COPG2: variants seen among roughly 807,000 people sequenced by gnomAD.
COPG2 encodes coat protein complex I subunit gamma 2.
COPG2 carries 37 observed loss-of-function variants against 46.3 expected under a neutral mutation model. The observed-to-expected ratio is 0.80, with a 90% CI of 0.61 to 1.05. COPG2 has a LOEUF of 1.05. COPG2 is among the 50% of genes least tolerant of loss of function. The pLI, the probability that COPG2 is intolerant of heterozygous loss-of-function variation, is 0.00. For missense variants in COPG2, 427 were observed against 387.8 expected, an observed-to-expected ratio of 1.10 and a Z score of -0.85; for synonymous variants, 159 against 129.7, an observed-to-expected ratio of 1.23 and a Z score of -1.53.
At chr7:130,618,983 A>AT (rs1267746438) in intron 5 of COPG2, among the ~76,000 whole-genome samples, 2 of 152,104 alleles carry the variant, frequency 1.3e-5, no homozygotes, top group African/African-American at 4.8e-5. Flanking sequence ...GCCTTGTTTT[A>AT]TATACATCAC....
Position 130,507,319 on chromosome 7 carries a change from C to T in COPG2, c.2440G>A (p.Asp814Asn), listed in dbSNP as rs1190845362. Reference protein sequence around the residue: ...FLGMQPCERSDKVPENKNSHS... With the variant: ...FLGMQPCERSNKVPENKNSHS... ...GAATTCTTGTTCTCAGGTACTTTATCGGACCTCTCACATGGCTGCATGCCC... is the reference window on the plus strand; with the variant it reads ...GAATTCTTGTTCTCAGGTACTTTATTGGACCTCTCACATGGCTGCATGCCC... Residue 814 changes from aspartate (D) to asparagine (N), a missense_variant, in exon 23 of 24, where the codon GAT becomes AAT. By Grantham distance (23) the Asp-to-Asn change is conservative. Transcript: ENST00000425248. 5 of 780,608 alleles carry T rather than the reference C, an allele frequency of 6.4e-6. No individual in the cohort carries two copies. Among genetic ancestry groups the T allele is most frequent in the East Asian group, 2.4e-5 (1 of 41,266 alleles). 48.4% of individuals were successfully genotyped at this position (780,608 alleles called of 1,614,324 possible). A position where few individuals can be genotyped will look rare whatever the true frequency, so the allele number is the denominator to read the frequency against.
chr7:130,530,992 G>A (rs1161444646), intron 20 of COPG2, among the ~76,000 whole-genome samples: 3 of 145,074 alleles, frequency 2.1e-5, no homozygotes, highest in African/African-American at 7.6e-5. Flanking sequence ...TTAAAGCCTT[G>A]AACTTTGTTG....
chr7:130,548,419 T>G lies in COPG2; in HGVS notation c.1961A>C (p.Asn654Thr), dbSNP rs1198355726. Reference sequence around the variant, plus strand: ...TTATCTTACCTGGAACACGATGTGATTGGTAAACATGTGCTTGATACATCG... The same window carrying G: ...TTATCTTACCTGGAACACGATGTGAGTGGTAAACATGTGCTTGATACATCG... ...FVRCIKHMFTNHIVFQFDCTN... is the reference protein window; with the variant it reads ...FVRCIKHMFTTHIVFQFDCTN... Residue 654 changes from asparagine to threonine, a missense_variant, in exon 19 of 24, where the codon AAT becomes ACT. Transcript: ENST00000425248. 5.0e-6 allele frequency: 2 copies of G among 398,516 alleles called. No individual in the cohort carries two copies. Among genetic ancestry groups the G allele is most frequent in the Non-Finnish European group, 8.8e-6 (2 of 226,064 alleles). The allele number at this position is 398,516 out of a possible 1,614,324, so 24.7% of individuals were successfully genotyped here.
intron 9 of COPG2, among the ~76,000 whole-genome samples, chr7:130,588,941 C>T (rs1042809525): frequency 2.6e-5 from 4 of 152,068 alleles, no homozygotes; most frequent in Admixed American, 6.6e-5. Flanking sequence ...ATTTACCCCC[C>T]GCCACACACA....
chr7:130,584,222 G>A (rs991963446), intron 9 of COPG2, among the ~76,000 whole-genome samples: 12 of 151,858 alleles, frequency 7.9e-5, no homozygotes, highest in African/African-American at 2.2e-4. Flanking sequence ...CATGATCATC[G>A]CAATAGATGC....
At chr7:130,611,434 C>G (rs1349828524) in intron 8 of COPG2, among the ~76,000 whole-genome samples, 1 of 152,168 alleles carries the variant, frequency 6.6e-6, no homozygotes, top group Non-Finnish European at 1.5e-5. Flanking sequence ...CTGGTGCTAT[C>G]TGTCTCTACG....
At chr7:130,510,778 T>TA (rs1799581891) in intron 20 of COPG2, among the ~76,000 whole-genome samples, 1 of 152,162 alleles carries the variant, frequency 6.6e-6, no homozygotes, top group Admixed American at 6.5e-5. Context: ...TACAGGGATC[T>TA]AAGGAAGTCT....
chr7:130,653,603 C>T (rs992133548), intron 4 of COPG2, among the ~76,000 whole-genome samples: 2 of 152,182 alleles, frequency 1.3e-5, no homozygotes, highest in African/African-American at 4.8e-5. Flanking sequence ...TCCACCTACT[C>T]TCCCCGACTC....
chr7:130,566,217 C>T (rs905314787), intron 9 of COPG2, among the ~76,000 whole-genome samples: 19 of 152,196 alleles, frequency 1.2e-4, no homozygotes, highest in South Asian at 6.2e-4. Flanking sequence ...ATTGTGGTTT[C>T]GATTTGCATT....
intron 20 of COPG2, among the ~76,000 whole-genome samples, chr7:130,541,110 G>A (rs1346377815): frequency 2.0e-5 from 3 of 152,298 alleles, no homozygotes; most frequent in Admixed American, 6.5e-5. Context: ...AGGCATCAGG[G>A]TCAAGACTGT....
At chr7:130,519,246 G>C (rs913237277) in intron 20 of COPG2, among the ~76,000 whole-genome samples, 2 of 152,084 alleles carry the variant, frequency 1.3e-5, no homozygotes, top group East Asian at 3.9e-4. Flanking sequence ...AAAGGGGGGA[G>C]TGAGAACATA....
chr7:130,616,521 C>T lies in COPG2; in HGVS notation c.399+469G>A, dbSNP rs534312991. ...AGGAGAATTACTTGAACCCGGGAGGCGGAGGTTGCAGTGAGCCAAGATCGT... is the reference window on the plus strand; with the variant it reads ...AGGAGAATTACTTGAACCCGGGAGGTGGAGGTTGCAGTGAGCCAAGATCGT... On this transcript the variant is annotated intron_variant, in intron 6 of 23. Transcript: ENST00000425248. Among the ~76,000 whole-genome samples the T allele has an allele frequency of 4.6e-5, 7 of 152,140 alleles. No homozygotes were observed. The South Asian group carries it at 1.5e-3, about 32-fold the overall frequency.
At position 130,520,697 on chromosome 7, in the gene COPG2, C is replaced by G. The variant is rs1799716614; in HGVS notation, c.2150-12038G>C. ...ATGTGTTATGCATTATTCCTGTCAT[C>G]TTCTCCATAATATGAGCGGGACAAT... On this transcript the variant is annotated intron_variant, in intron 20 of 23. Transcript: ENST00000425248. Among the ~76,000 whole-genome samples, 4 of 152,316 alleles carry G rather than the reference C, an allele frequency of 2.6e-5. No individual in the cohort carries two copies. The South Asian group carries it at 8.3e-4, about 32-fold the overall frequency.
chr7:130,595,112 CA>C (rs1327016283), intron 9 of COPG2, among the ~76,000 whole-genome samples: 2 of 152,138 alleles, frequency 1.3e-5, no homozygotes, highest in South Asian at 2.1e-4. Flanking sequence ...GAATACGAGC[CA>C]AATGTCCATC....
chr7:130,595,128 G>A (rs1170559945), intron 9 of COPG2, among the ~76,000 whole-genome samples: 1 of 152,136 alleles, frequency 6.6e-6, no homozygotes, highest in African/African-American at 2.4e-5. Context: ...TCCATCAACA[G>A]ATGAATGGAT....
Position 130,603,360 on chromosome 7 carries a change from C to T in COPG2, c.737+7593G>A, listed in dbSNP as rs372572257. Reference sequence around the variant, plus strand: ...GTTCATTTCCATTATTGTATACTATCTGACTATATGAATATACCACAATTT... The same window carrying T: ...GTTCATTTCCATTATTGTATACTATTTGACTATATGAATATACCACAATTT... On this transcript the variant is annotated intron_variant, in intron 9 of 23. Transcript: ENST00000425248. 2.0e-3 allele frequency among the ~76,000 whole-genome samples: 307 copies of T among 152,200 alleles called. 2 individuals carry two copies. Among genetic ancestry groups the T allele is most frequent in the African/African-American group, 6.7e-3 (278 of 41,522 alleles).
intron 9 of COPG2, among the ~76,000 whole-genome samples, chr7:130,565,580 T>C (rs924906661): frequency 9.8e-4 from 150 of 152,292 alleles, no homozygotes; most frequent in African/African-American, 3.2e-3. Flanking sequence ...AAGTAGTCAA[T>C]AGAATTTATT....
intron 5 of COPG2, among the ~76,000 whole-genome samples, chr7:130,636,691 G>A (rs146883515): frequency 1.3e-5 from 2 of 152,140 alleles, no homozygotes; most frequent in Middle Eastern, 3.4e-3. Flanking sequence ...GCCAGTCTGT[G>A]TCTTTCCACT....
chr7:130,628,820 GGATCACTT>G (rs1240726350), intron 5 of COPG2, among the ~76,000 whole-genome samples: 1 of 152,146 alleles, frequency 6.6e-6, no homozygotes, highest in Non-Finnish European at 1.5e-5. Flanking sequence ...CGAGGCAGGA[GGATCACTT>G]GATGCCAGAA....
Sources: allele counts gnomAD v4.1 joint callset (sites outside exome capture counted in the v4.1 genomes callset), GRCh38; gene constraint gnomAD v4.1.1; transcripts MANE v1.5; gene names NCBI Gene and HGNC (gene_info 2026-07-23, HGNC 2026-07-21).